SOX5: variants seen among roughly 807,000 people sequenced by gnomAD.
SOX5 encodes SRY-box transcription factor 5.
Under a neutral mutation model 92.0 loss-of-function variants are expected in SOX5, and 9 were observed. The observed-to-expected ratio is 0.10, with a 90% CI of 0.06 to 0.17. The LOEUF (loss-of-function observed/expected upper bound fraction) is 0.17, where lower values mean the gene tolerates loss of function less well. SOX5 is among the 10% of genes least tolerant of loss of function. The pLI is 1.00. For missense variants in SOX5, 642 were observed against 944.5 expected (o/e 0.68, Z 4.20); for synonymous variants, 344 against 336.3 (o/e 1.02, Z -0.25).
chr12:24,442,409 A>G (rs911043114), intron 1 of SOX5, among the ~76,000 whole-genome samples: 1 of 152,228 alleles, frequency 6.6e-6, no homozygotes, highest in African/African-American at 2.4e-5. Flanking sequence ...TAGTGAGCAG[A>G]AAAGACAATA....
chr12:23,943,187 G>T (rs925831914), intron 1 of SOX5, among the ~76,000 whole-genome samples: 1 of 151,672 alleles, frequency 6.6e-6, no homozygotes, highest in Non-Finnish European at 1.5e-5. Flanking sequence ...TTTCAGCAAA[G>T]AGAAGGGCCA....
intron 1 of SOX5, among the ~76,000 whole-genome samples, chr12:24,485,611 GA>G (rs200003836): frequency 2.7e-5 from 4 of 150,400 alleles, no homozygotes; most frequent in South Asian, 2.1e-4. Flanking sequence ...TGATGACTAG[GA>G]AAAAAAAATG....
chr12:24,557,411 A>G (rs911290583), intron 1 of SOX5, among the ~76,000 whole-genome samples: 12 of 151,558 alleles, frequency 7.9e-5, no homozygotes, highest in African/African-American at 2.2e-4. Flanking sequence ...AAAAAAAAAA[A>G]AAAGAAAGAA....
intron 3 of SOX5, among the ~76,000 whole-genome samples, chr12:23,833,318 C>G (rs1299909825): frequency 6.6e-6 from 1 of 151,150 alleles, no homozygotes; most frequent in Non-Finnish European, 1.5e-5. Flanking sequence ...TAAAATTGCC[C>G]CAATCTGGAG....
chr12:24,129,973 G>A (rs1565494689), intron 4 of SOX5, among the ~76,000 whole-genome samples: 1 of 152,132 alleles, frequency 6.6e-6, no homozygotes, highest in Non-Finnish European at 1.5e-5. Context: ...AAATGCACAT[G>A]TGTGCTTGTG....
chr12:24,226,852 T>C (rs934053799), intron 3 of SOX5, among the ~76,000 whole-genome samples: 1 of 123,150 alleles, frequency 8.1e-6, no homozygotes. Flanking sequence ...AAAACAGTGA[T>C]TGAATGAATG....
intron 1 of SOX5, among the ~76,000 whole-genome samples, chr12:24,501,493 TA>T (rs770632835): frequency 1.3e-5 from 2 of 151,914 alleles, no homozygotes; most frequent in Non-Finnish European, 1.5e-5. Flanking sequence ...TGCTTTTGTT[TA>T]AAAAAAAGTA....
intron 2 of SOX5, among the ~76,000 whole-genome samples, chr12:24,345,284 TA>T (rs1284801529): frequency 6.6e-6 from 1 of 152,244 alleles, no homozygotes; most frequent in Non-Finnish European, 1.5e-5. Flanking sequence ...ACATAAATAC[TA>T]AAAGTTCCCA....
chr12:24,308,131 A>T (rs2140751707), intron 2 of SOX5, among the ~76,000 whole-genome samples: 1 of 152,238 alleles, frequency 6.6e-6, no homozygotes, highest in Admixed American at 6.5e-5. Flanking sequence ...GAGAAGTTTA[A>T]CTGGTGTATG....
intron 1 of SOX5, among the ~76,000 whole-genome samples, chr12:24,526,811 TATC>T (rs1950753106): frequency 6.6e-6 from 1 of 152,070 alleles, no homozygotes; most frequent in Non-Finnish European, 1.5e-5. Flanking sequence ...CTTATGAAAT[TATC>T]ATATTTCTTT....
At chr12:23,643,346 T>C (rs2138811046) in intron 7 of SOX5, among the ~76,000 whole-genome samples, 1 of 152,254 alleles carries the variant, frequency 6.6e-6, no homozygotes, top group Admixed American at 6.5e-5. Context: ...TAAAGGGTGT[T>C]GTTGCGGGGA....
chr12:23,953,862 A>G (rs954565004), upstream of SOX5, among the ~76,000 whole-genome samples: 1 of 152,052 alleles, frequency 6.6e-6, no homozygotes, highest in African/African-American at 2.4e-5. Context: ...CCGCATCGGT[A>G]TAATGGAAAA....
intron 2 of SOX5, among the ~76,000 whole-genome samples, chr12:24,313,721 T>C (rs903480932): frequency 5.9e-5 from 9 of 152,240 alleles, no homozygotes; most frequent in South Asian, 2.1e-4. Flanking sequence ...CGTATTCATA[T>C]TCATACGCTC....
intron 7 of SOX5, among the ~76,000 whole-genome samples, chr12:23,654,149 GA>G (rs1800582339): frequency 6.6e-6 from 1 of 152,046 alleles, no homozygotes; most frequent in Admixed American, 6.6e-5. Flanking sequence ...TTGAAAGGAA[GA>G]ACAGATAATG....
chr12:24,314,673 G>C (rs1426228487), intron 2 of SOX5, among the ~76,000 whole-genome samples: 1 of 152,002 alleles, frequency 6.6e-6, no homozygotes, highest in Non-Finnish European at 1.5e-5. Flanking sequence ...AAATAATCTG[G>C]CCTCCAATTA....
intron 2 of SOX5, among the ~76,000 whole-genome samples, chr12:23,854,019 T>C (rs1053821858): frequency 6.6e-6 from 1 of 152,126 alleles, no homozygotes; most frequent in Admixed American, 6.6e-5. Context: ...CTCTAGAACC[T>C]TTTTATTGTC....
At chr12:24,376,689 C>CTTTTTTTTTTTTTTT (rs1480014070) in intron 1 of SOX5, among the ~76,000 whole-genome samples, 3 of 93,084 alleles carry the variant, frequency 3.2e-5, no homozygotes, top group Non-Finnish European at 4.2e-5. Flanking sequence ...GGGAGAGATA[C>CTTTTTTTTTTTTTTT]CTTTTTTTTT....
chr12:24,208,197 T>C (rs891418813), intron 4 of SOX5, among the ~76,000 whole-genome samples: 1 of 152,196 alleles, frequency 6.6e-6, no homozygotes, highest in African/African-American at 2.4e-5. Context: ...ATTAGTATTC[T>C]ATCTTCCTTC....
At chr12:24,277,621 A>G (rs1006615143) in intron 2 of SOX5, among the ~76,000 whole-genome samples, 4 of 138,696 alleles carry the variant, frequency 2.9e-5, no homozygotes, top group Admixed American at 1.5e-4. Context: ...TAATAAAATT[A>G]TGGTTTGTGG....
Sources: gnomAD v4.1 joint callset for allele counts (sites outside exome capture counted in the v4.1 genomes callset) on GRCh38, gnomAD v4.1.1 for gene constraint, MANE v1.5 for transcripts, NCBI Gene and HGNC (gene_info 2026-07-23, HGNC 2026-07-21) for gene names.